Variants in LRP1B observed in about 807,000 individuals in gnomAD.
LRP1B encodes low-density lipoprotein receptor-related protein 1B.
A neutral mutation model predicts 556.6 loss-of-function variants in LRP1B; 217 were observed. The ratio of observed to expected loss-of-function variants is 0.39; its 90% CI spans 0.35 to 0.44. The LOEUF is 0.44. LRP1B is among the 20% of genes least tolerant of loss of function. LRP1B has a pLI of 1.00. For missense variants in LRP1B, 5,053 were observed against 5,620.8 expected (o/e 0.90, Z 3.23); for synonymous variants, 2,047 against 1,865.8 (o/e 1.10, Z -2.50).
At chr2:140,300,603 T>C (rs10203500) in intron 83 of LRP1B, among the ~76,000 whole-genome samples, 50,039 of 151,728 alleles carry the variant, frequency 0.33, 8,944 homozygotes, top group Non-Finnish European at 0.42. Context: ...CTTATGTTTC[T>C]GGGCTCTAAA....
At chr2:140,255,781 TAAG>T (rs1681646860) in intron 86 of LRP1B, among the ~76,000 whole-genome samples, 1 of 152,218 alleles carries the variant, frequency 6.6e-6, no homozygotes, top group South Asian at 2.1e-4. Flanking sequence ...GCATCATTCA[TAAG>T]AACATGCTTT....
At chr2:141,010,665 C>A (rs897056265) in intron 14 of LRP1B, among the ~76,000 whole-genome samples, 2 of 151,992 alleles carry the variant, frequency 1.3e-5, no homozygotes, top group African/African-American at 2.4e-5. Flanking sequence ...CAGTCTCCTG[C>A]CACCACCCCT....
chr2:142,067,357 A>T (rs1012789662), intron 1 of LRP1B, among the ~76,000 whole-genome samples: 4 of 151,514 alleles, frequency 2.6e-5, no homozygotes, highest in Non-Finnish European at 5.9e-5. Flanking sequence ...AAAAAAGTTT[A>T]AAAAATGTAA....
chr2:140,595,563 G>A lies in LRP1B; in HGVS notation c.7194+3068C>T, dbSNP rs377042585. ...TCAACTAGATATGGGGACAAAGAAC[G>A]TTTATTTTACCTTTTTGAATTAACA... On this transcript the variant is annotated intron_variant, in intron 43 of 90. Coordinates refer to ENST00000389484, the MANE Select transcript of LRP1B (RefSeq NM_018557.3). 4.7e-4 allele frequency among the ~76,000 whole-genome samples: 72 copies of A among 152,028 alleles called. 1 individual carries two copies. In the South Asian group the frequency reaches 0.013, roughly 28 times the overall value.
chr2:140,294,887 T>C (rs2104994325), intron 84 of LRP1B, among the ~76,000 whole-genome samples: 1 of 152,238 alleles, frequency 6.6e-6, no homozygotes, highest in South Asian at 2.1e-4. Context: ...TATTTATGCA[T>C]TTATTTATTG....
At chr2:141,668,363 G>C (rs1690524241) in intron 2 of LRP1B, among the ~76,000 whole-genome samples, 1 of 152,140 alleles carries the variant, frequency 6.6e-6, no homozygotes, top group African/African-American at 2.4e-5. Context: ...ATGGGAACAG[G>C]CATTCCTGTT....
chr2:141,323,461 G>A (rs1016921176), intron 3 of LRP1B, among the ~76,000 whole-genome samples: 7 of 151,908 alleles, frequency 4.6e-5, no homozygotes, highest in Admixed American at 2.0e-4. Flanking sequence ...CCTTAAATTT[G>A]AACCCAAATT....
chr2:141,883,910 G>T (rs1237453946), intron 1 of LRP1B, among the ~76,000 whole-genome samples: 1 of 152,070 alleles, frequency 6.6e-6, no homozygotes, highest in African/African-American at 2.4e-5. Context: ...AATCCAAGTT[G>T]ATACTTTTTA....
chr2:141,786,168 A>G (rs1261430444), intron 2 of LRP1B, among the ~76,000 whole-genome samples: 1 of 151,996 alleles, frequency 6.6e-6, no homozygotes, highest in East Asian at 1.9e-4. Context: ...AAAGAAGAAA[A>G]CAAATGGTAT....
chr2:142,023,440 T>C (rs896380772), intron 1 of LRP1B, among the ~76,000 whole-genome samples: 1 of 152,182 alleles, frequency 6.6e-6, no homozygotes, highest in Admixed American at 6.5e-5. Flanking sequence ...ATTTCTACTT[T>C]ATGTCAAGGC....
intron 25 of LRP1B, among the ~76,000 whole-genome samples, chr2:140,871,638 G>A (rs1286275089): frequency 6.6e-6 from 1 of 152,134 alleles, no homozygotes; most frequent in Non-Finnish European, 1.5e-5. Flanking sequence ...TCATGGAGAT[G>A]TGAAAGGAAA....
chr2:140,285,384 T>C (rs145382036), intron 84 of LRP1B, among the ~76,000 whole-genome samples: 154 of 149,684 alleles, frequency 1.0e-3, no homozygotes, highest in African/African-American at 3.1e-3. Context: ...TATACACACA[T>C]ATATATATAT....
At position 141,795,403 on chromosome 2, in the gene LRP1B, A is replaced by G. The variant is rs561907582; in HGVS notation, c.205+14876T>C. Among the ~76,000 whole-genome samples the G allele has an allele frequency of 2.6e-5, 4 of 152,172 alleles. No individual in the cohort carries two copies. In the South Asian group the frequency reaches 8.3e-4, roughly 32 times the overall value. The stretch of plus-strand genomic sequence containing the variant: ...GCATGTGTGTGTTTGCACATGCGTG[A>G]GTGTGCACAGCAGCCCTTGAGGGAA... On this transcript the variant is annotated intron_variant, in intron 2 of 90. Transcript: ENST00000389484.
intron 31 of LRP1B, among the ~76,000 whole-genome samples, chr2:140,815,464 G>A (rs147150463): frequency 4.6e-5 from 7 of 152,094 alleles, no homozygotes; most frequent in Admixed American, 3.9e-4. Flanking sequence ...GAGCCACCTC[G>A]CCTAGTTCTA....
At chr2:140,997,697 T>A (rs1425796377) in intron 15 of LRP1B, among the ~76,000 whole-genome samples, 1 of 152,040 alleles carries the variant, frequency 6.6e-6, no homozygotes, top group African/African-American at 2.4e-5. Context: ...AAATATTTGT[T>A]TGTTTATTTC....
At position 140,977,736 on chromosome 2, in the gene LRP1B, T is replaced by G. The variant is rs572559325; in HGVS notation, c.2887+4424A>C. Among the ~76,000 whole-genome samples, 175 of 152,278 alleles carry G rather than the reference T, an allele frequency of 1.1e-3. 4 individuals carry two copies. The highest frequency in any genetic ancestry group is 4.1e-3 in the African/African-American group (171 of 41,566). On this transcript the variant is annotated intron_variant, in intron 18 of 90. Transcript: ENST00000389484. ...TGGAAATGGGGCCCAGCACTCTGTT[T>G]TTTAACAAGCTCCTCAAAAGACTGT...
intron 3 of LRP1B, among the ~76,000 whole-genome samples, chr2:141,339,711 G>T (rs1281943353): frequency 2.0e-5 from 3 of 152,042 alleles, no homozygotes; most frequent in Non-Finnish European, 4.4e-5. Flanking sequence ...CATATTAAAA[G>T]ATTTTCTTTC....
At chr2:140,878,033 A>G (rs1238211949) in intron 25 of LRP1B, among the ~76,000 whole-genome samples, 1 of 152,224 alleles carries the variant, frequency 6.6e-6, no homozygotes, top group Non-Finnish European at 1.5e-5. Context: ...TCAGAAAAAC[A>G]ATATCCAAAT....
At chr2:140,842,859 G>T (rs1396096322) in intron 29 of LRP1B, among the ~76,000 whole-genome samples, 2 of 151,932 alleles carry the variant, frequency 1.3e-5, no homozygotes, top group East Asian at 3.9e-4. Flanking sequence ...CCTGTGAAAT[G>T]GGCTATAGAT....
Sources: gnomAD v4.1 joint callset for allele counts (sites outside exome capture counted in the v4.1 genomes callset) on GRCh38, gnomAD v4.1.1 for gene constraint, MANE v1.5 for transcripts, NCBI Gene and HGNC (gene_info 2026-07-23, HGNC 2026-07-21) for gene names.